Variants in TYW1 observed in about 807,000 individuals in gnomAD.
TYW1 encodes the protein S-adenosyl-L-methionine-dependent tRNA 4-demethylwyosine synthase TYW1.
A neutral mutation model predicts 96.2 loss-of-function variants in TYW1; 46 were observed. The ratio of observed to expected loss-of-function variants is 0.48; its 90% CI spans 0.38 to 0.61. The LOEUF is 0.61. Ranked by LOEUF, TYW1 falls within the 20% of genes least tolerant of loss-of-function variation. TYW1 has a pLI of 0.00. For missense variants in TYW1, 684 were observed against 909.6 expected, an observed-to-expected ratio of 0.75 and a Z score of 3.19; for synonymous variants, 274 against 323.0, an observed-to-expected ratio of 0.85 and a Z score of 1.63.
intron 15 of TYW1, among the ~76,000 whole-genome samples, chr7:67,235,770 A>C (rs1801864649): frequency 6.6e-6 from 1 of 151,688 alleles, no homozygotes. Flanking sequence ...GGCAGGTGCC[A>C]GTAGTCCCAG....
At chr7:67,184,305 G>T (rs1799932272) in intron 14 of TYW1, among the ~76,000 whole-genome samples, 1 of 152,150 alleles carries the variant, frequency 6.6e-6, no homozygotes, top group African/African-American at 2.4e-5. Flanking sequence ...TTGAGTGCAT[G>T]TTCCTGTGTA....
intron 15 of TYW1, among the ~76,000 whole-genome samples, chr7:67,220,145 G>T (rs1235990176): frequency 2.0e-5 from 3 of 148,630 alleles, no homozygotes; most frequent in Non-Finnish European, 4.5e-5. Context: ...AATATTTAGG[G>T]GTGTGTTGCT....
chr7:67,081,350 A>G (rs1016031714), intron 10 of TYW1, among the ~76,000 whole-genome samples: 9 of 147,464 alleles, frequency 6.1e-5, no homozygotes, highest in Non-Finnish European at 1.0e-4. Context: ...ATGCTTTTCA[A>G]TTGCTGTTTT....
chr7:67,010,642 A>C (rs1480808771), intron 4 of TYW1, among the ~76,000 whole-genome samples: 1 of 151,522 alleles, frequency 6.6e-6, no homozygotes, highest in African/African-American at 2.4e-5. Flanking sequence ...CACCCGACAA[A>C]TTTTTTGTAT....
intron 15 of TYW1, among the ~76,000 whole-genome samples, chr7:67,220,396 G>A (rs1296434642): frequency 6.6e-6 from 1 of 151,658 alleles, no homozygotes; most frequent in Non-Finnish European, 1.5e-5. Context: ...GTAAAGATGG[G>A]GTTTCACCGT....
chr7:67,019,398 A>G lies in TYW1; in HGVS notation c.861+1255A>G, dbSNP rs538238913. On this transcript the variant is annotated intron_variant, in intron 6 of 15. Coordinates refer to ENST00000359626, the MANE Select transcript of TYW1 (RefSeq NM_018264.4). ...TTTTTAATAGAGATGGGGTTTCATC[A>G]TGTTGGTTAGGCTGGTCTCGAACTC... 4.8e-5 allele frequency among the ~76,000 whole-genome samples: 7 copies of G among 144,918 alleles called. No homozygotes were observed. The South Asian group carries it at 1.5e-3, about 32-fold the overall frequency.
At chr7:67,102,219 A>T (rs1454130610) in intron 12 of TYW1, among the ~76,000 whole-genome samples, 1 of 152,240 alleles carries the variant, frequency 6.6e-6, no homozygotes, top group Non-Finnish European at 1.5e-5. Context: ...TTGTCTGTGA[A>T]TGCCATCATG....
rs200720187 is a variant in TYW1 at position 67,026,239 on chromosome 7, ATTT to A, written c.984+1220_984+1222del. Among the ~76,000 whole-genome samples the A allele has an allele frequency of 1.1e-3, 169 of 152,016 alleles. 3 individuals are homozygous for A. In the East Asian group the frequency reaches 0.03, roughly 27 times the overall value. On this transcript the variant is annotated intron_variant, in intron 7 of 15. Coordinates refer to ENST00000359626, the MANE Select transcript of TYW1 (RefSeq NM_018264.4). The stretch of plus-strand genomic sequence containing the variant: ...AGGTGCATACCACCACGCTGAGCTA[ATTT>A]TTGTATTTTTAGTAGAGACGGGATT...
chr7:67,081,691 T>G, intron 10 of TYW1, among the ~76,000 whole-genome samples: 1 of 151,468 alleles, frequency 6.6e-6, no homozygotes, highest in South Asian at 2.1e-4. Context: ...CTCTCCTCTA[T>G]CCTTTCTTCC....
intron 13 of TYW1, among the ~76,000 whole-genome samples, chr7:67,156,100 C>T (rs925641579): frequency 1.3e-5 from 2 of 152,100 alleles, no homozygotes; most frequent in African/African-American, 4.8e-5. Context: ...GTGGTGGTGG[C>T]AGCATGGCCC....
At chr7:67,223,312 TC>T (rs1801456634) in intron 15 of TYW1, among the ~76,000 whole-genome samples, 2 of 152,012 alleles carry the variant, frequency 1.3e-5, no homozygotes, top group Non-Finnish European at 2.9e-5. Context: ...TGAATCAGAT[TC>T]TTTGCCTCTC....
intron 8 of TYW1, among the ~76,000 whole-genome samples, chr7:67,054,258 T>C (rs569418358): frequency 3.2e-4 from 46 of 142,524 alleles, no homozygotes; most frequent in Middle Eastern, 3.6e-3. Flanking sequence ...ACAGATCTCT[T>C]CATTCTGTAA....
At chr7:67,164,407 C>T (rs1003928345) in intron 13 of TYW1, among the ~76,000 whole-genome samples, 2 of 151,674 alleles carry the variant, frequency 1.3e-5, no homozygotes, top group Non-Finnish European at 2.9e-5. Context: ...GTCAGGAGTT[C>T]GAGACAAGCC....
intron 13 of TYW1, among the ~76,000 whole-genome samples, chr7:67,138,094 G>A (rs771689151): frequency 9.9e-5 from 15 of 152,138 alleles, no homozygotes; most frequent in Non-Finnish European, 8.8e-5. Context: ...GGCTTGCTTT[G>A]CAGACACCCC....
At chr7:67,030,571 G>T in intron 7 of TYW1, among the ~76,000 whole-genome samples, 2 of 152,272 alleles carry the variant, frequency 1.3e-5, no homozygotes, top group South Asian at 4.2e-4. Context: ...GGTGGAGGTT[G>T]CAGTGAGCCA....
intron 13 of TYW1, among the ~76,000 whole-genome samples, chr7:67,155,386 T>A (rs1798934784): frequency 1.3e-5 from 2 of 152,284 alleles, no homozygotes; most frequent in South Asian, 4.1e-4. Flanking sequence ...CCTTCGCTCT[T>A]GCTCCCACTC....
intron 12 of TYW1, among the ~76,000 whole-genome samples, chr7:67,109,940 C>T (rs189932042): frequency 2.2e-3 from 331 of 152,234 alleles, no homozygotes; most frequent in Non-Finnish European, 3.2e-3. Context: ...GCAGCCCAGC[C>T]GCTGTGGGAG....
chr7:67,013,989 C>T (rs1453538471), intron 4 of TYW1, among the ~76,000 whole-genome samples: 4 of 151,990 alleles, frequency 2.6e-5, no homozygotes, highest in Non-Finnish European at 4.4e-5. Flanking sequence ...GTGATCCGCC[C>T]GCCTCAGCCT....
chr7:67,181,364 A>G (rs1420547693), intron 13 of TYW1, among the ~76,000 whole-genome samples: 4 of 152,090 alleles, frequency 2.6e-5, no homozygotes, highest in Non-Finnish European at 4.4e-5. Context: ...TGTAAAGGGA[A>G]TCTGGAAGAT....
Sources: allele counts gnomAD v4.1 joint callset (sites outside exome capture counted in the v4.1 genomes callset), GRCh38; gene constraint gnomAD v4.1.1; transcripts MANE v1.5; gene names NCBI Gene and HGNC (gene_info 2026-07-23, HGNC 2026-07-21).